Variants in NTRK1 observed in about 807,000 individuals in gnomAD.
NTRK1 encodes neurotrophic receptor tyrosine kinase 1, also known as high affinity nerve growth factor receptor.
Under a neutral mutation model 86.8 loss-of-function variants are expected in NTRK1, and 62 were observed. That is an observed-to-expected ratio of 0.71 (90% CI 0.58 to 0.88). The LOEUF (loss-of-function observed/expected upper bound fraction) is 0.88, where lower values mean the gene tolerates loss of function less well. Ranked by LOEUF, NTRK1 falls within the 40% of genes least tolerant of loss-of-function variation. The pLI, the probability that NTRK1 is intolerant of heterozygous loss-of-function variation, is 0.00. For missense variants in NTRK1, 967 were observed against 1,078.4 expected (o/e 0.90, Z 1.45); for synonymous variants, 469 against 456.6 (o/e 1.03, Z -0.35).
chr1:156,849,250 G>A, intron 2 of NTRK1: 2 of 1,613,670 alleles, frequency 1.2e-6, no homozygotes, highest in Non-Finnish European at 1.7e-6. Flanking sequence ...TCTCACAGGC[G>A]GCGCGGTCTC....
intron 1 of NTRK1, among the ~76,000 whole-genome samples, chr1:156,838,378 T>G (rs528463601): frequency 6.6e-6 from 1 of 151,880 alleles, no homozygotes; most frequent in East Asian, 1.9e-4. Flanking sequence ...CTACAGGCTT[T>G]TTTTTTTTTC....
chr1:156,848,790 G>A (rs1346788423), intron 2 of NTRK1: 2 of 1,111,278 alleles, frequency 1.8e-6, no homozygotes, highest in East Asian at 2.6e-5. Context: ...CTACCACGGA[G>A]TACAACTTGC....
At position 156,881,693 on chromosome 1, in the gene NTRK1, C is replaced by T; in HGVS notation, c.*51C>T. ...GTTAGCCGGAATACTGGGGCCTGCCCTCAGCATCCCCCATAGCTCCCAGCA... is the reference window on the plus strand; with the variant it reads ...GTTAGCCGGAATACTGGGGCCTGCCTTCAGCATCCCCCATAGCTCCCAGCA... On this transcript the variant is annotated 3_prime_UTR_variant, in exon 17 of 17. Transcript: ENST00000524377. 1 of 1,525,396 alleles carries T rather than the reference C, an allele frequency of 6.6e-7. No individual in the cohort carries two copies. Among genetic ancestry groups the T allele is most frequent in the African/African-American group, 1.4e-5 (1 of 72,606 alleles). 94.5% of individuals were successfully genotyped at this position (1,525,396 alleles called of 1,614,324 possible).
chr1:156,826,036 G>C (rs1269717762), intron 1 of NTRK1, among the ~76,000 whole-genome samples: 1 of 152,178 alleles, frequency 6.6e-6, no homozygotes, highest in Non-Finnish European at 1.5e-5. Context: ...TCACTAGCCA[G>C]TATAGCTGCC....
chr1:156,880,428 A>G, intron 16 of NTRK1: 1 of 535,288 alleles, frequency 1.9e-6, no homozygotes, highest in Non-Finnish European at 3.4e-6. Flanking sequence ...CCAGACCCCC[A>G]TCCCTAGCTG....
intron 14 of NTRK1, among the ~76,000 whole-genome samples, chr1:156,877,492 G>A (rs994531033): frequency 1.3e-5 from 2 of 152,240 alleles, no homozygotes; most frequent in Non-Finnish European, 2.9e-5. Flanking sequence ...CCCAGGCAGA[G>A]CCCCTACTCT....
intron 14 of NTRK1, 142 bp from the exon 15 acceptor site, chr1:156,878,980 C>A: frequency 1.1e-6 from 1 of 951,624 alleles, no homozygotes. Flanking sequence ...CTCTGGACAG[C>A]TGCCTCTACT....
chr1:156,837,538 G>C (rs1428664791), intron 1 of NTRK1, among the ~76,000 whole-genome samples: 4 of 152,188 alleles, frequency 2.6e-5, no homozygotes, highest in Admixed American at 2.6e-4. Flanking sequence ...AAAGAAAGGG[G>C]GTGGACAGGG....
chr1:156,860,284 G>A (rs1655570343), upstream of NTRK1, among the ~76,000 whole-genome samples: 1 of 152,230 alleles, frequency 6.6e-6, no homozygotes, highest in Non-Finnish European at 1.5e-5. Flanking sequence ...TTCTCTTGGA[G>A]GCGCGGTCTT....
chr1:156,874,919 T>A lies in NTRK1; in HGVS notation c.1265T>A (p.Val422Glu). The part of the protein sequence containing the change: ...DETPFGVSVA[V>E]GLAVFACLFL... ...GTCCCCCACCAGGTCTCGGTGGCTGTGGGCCTGGCCGTCTTTGCCTGCCTC... is the reference window on the plus strand; with the variant it reads ...GTCCCCCACCAGGTCTCGGTGGCTGAGGGCCTGGCCGTCTTTGCCTGCCTC... Residue 422 changes from valine to glutamate, a missense_variant, in exon 11 of 17, where the codon GTG becomes GAG. By Grantham distance (121) the Val-to-Glu change is moderately radical. Coordinates refer to ENST00000524377, the MANE Select transcript of NTRK1 (RefSeq NM_002529.4). 1 of 1,610,798 alleles carries A rather than the reference T, an allele frequency of 6.2e-7. No individual in the cohort carries two copies. Among genetic ancestry groups the A allele is most frequent in the Non-Finnish European group, 8.5e-7 (1 of 1,178,178 alleles).
intron 2 of NTRK1, chr1:156,844,934 G>A (rs932841901): frequency 1.3e-6 from 2 of 1,576,606 alleles, no homozygotes; most frequent in Non-Finnish European, 1.7e-6. Flanking sequence ...GCTGGGAGGT[G>A]GGGAAAGCTT....
At chr1:156,829,997 T>C (rs1654427267) in intron 1 of NTRK1, among the ~76,000 whole-genome samples, 1 of 152,210 alleles carries the variant, frequency 6.6e-6, no homozygotes, top group South Asian at 2.1e-4. Context: ...AGGAGAGCAG[T>C]GAGTCTGATT....
chr1:156,857,163 A>ATGTGTG (rs57324546), upstream of NTRK1, among the ~76,000 whole-genome samples: 1,733 of 130,572 alleles, frequency 0.013, 27 homozygotes, highest in South Asian at 0.015. Context: ...GCAGCTGTGT[A>ATGTGTG]TGTGTGTGTG....
chr1:156,858,432 C>T, upstream of NTRK1: 4 of 832,886 alleles, frequency 4.8e-6, no homozygotes, highest in Non-Finnish European at 8.4e-6. Flanking sequence ...CCCCCATGTT[C>T]CAGTGCAGAG....
chr1:156,866,813 T>C (rs1655954967), intron 3 of NTRK1, 97 bp from the exon 4 acceptor site: 2 of 1,219,332 alleles, frequency 1.6e-6, no homozygotes, highest in Non-Finnish European at 2.4e-6. Context: ...GGGAGCCAGA[T>C]GTCAACTTCT....
intron 1 of NTRK1, among the ~76,000 whole-genome samples, chr1:156,862,690 C>T (rs867326897): frequency 3.9e-5 from 6 of 152,100 alleles, no homozygotes; most frequent in African/African-American, 9.7e-5. Flanking sequence ...TGAATCCAAA[C>T]GAATGAGGCA....
At chr1:156,864,528 G>A (rs995560757) in intron 2 of NTRK1, 100 bp downstream of exon 2, 27 of 1,310,026 alleles carry the variant, frequency 2.1e-5, no homozygotes, top group Admixed American at 5.5e-5. Flanking sequence ...GGGAGGACCT[G>A]AGAGGCTGAG....
At chr1:156,867,879 T>G (rs895499322) in intron 4 of NTRK1, among the ~76,000 whole-genome samples, 2 of 149,242 alleles carry the variant, frequency 1.3e-5, no homozygotes, top group Non-Finnish European at 3.0e-5. Context: ...TTCACTGTGT[T>G]AGCCAGGATG....
intron 2 of NTRK1, chr1:156,844,690 G>T (rs1234945958): frequency 8.7e-6 from 14 of 1,613,978 alleles, no homozygotes; most frequent in Admixed American, 1.7e-5. Flanking sequence ...TGGGACGGGG[G>T]TCCCACGGGC....
Sources: gnomAD v4.1 joint callset for allele counts (sites outside exome capture counted in the v4.1 genomes callset) on GRCh38, gnomAD v4.1.1 for gene constraint, MANE v1.5 for transcripts, NCBI Gene and HGNC (gene_info 2026-07-23, HGNC 2026-07-21) for gene names.